Variants in DIP2C observed in about 807,000 individuals in gnomAD.
The protein encoded by DIP2C is disco-interacting protein 2 homolog C.
Under a neutral mutation model 192.4 loss-of-function variants are expected in DIP2C, and 33 were observed. The ratio of observed to expected loss-of-function variants is 0.17; its 90% CI spans 0.13 to 0.23. DIP2C has a LOEUF of 0.23. Ranked by LOEUF, DIP2C falls within the 10% of genes least tolerant of loss-of-function variation. The probability of loss-of-function intolerance (pLI) is 1.00; values close to 1 mark genes in which losing one functional copy is unlikely to be tolerated. For synonymous variants in DIP2C, 979 were observed against 864.1 expected, an observed-to-expected ratio of 1.13 and a Z score of -2.33; for missense variants, 1,537 against 2,110.1, an observed-to-expected ratio of 0.73 and a Z score of 5.32.
intron 4 of DIP2C, among the ~76,000 whole-genome samples, chr10:423,909 G>A (rs528745811): frequency 2.0e-5 from 3 of 152,220 alleles, no homozygotes; most frequent in African/African-American, 7.2e-5. Context: ...TACAGTATTT[G>A]TTTCTTATAC....
At chr10:409,420 G>A (rs939315959) in intron 8 of DIP2C, among the ~76,000 whole-genome samples, 1 of 152,142 alleles carries the variant, frequency 6.6e-6, no homozygotes, top group Non-Finnish European at 1.5e-5. Flanking sequence ...TCTCCTAGCA[G>A]ATCAAAGCTT....
At chr10:438,601 C>T (rs1420363828) in intron 4 of DIP2C, among the ~76,000 whole-genome samples, 1 of 151,912 alleles carries the variant, frequency 6.6e-6, no homozygotes, top group Non-Finnish European at 1.5e-5. Context: ...AGTGATCCTC[C>T]CACCTCAGCC....
intron 1 of DIP2C, among the ~76,000 whole-genome samples, chr10:617,492 T>G (rs1446654999): frequency 6.6e-6 from 1 of 152,042 alleles, no homozygotes; most frequent in Non-Finnish European, 1.5e-5. Flanking sequence ...TTGATGGGAA[T>G]CCTTCTATGC....
In DIP2C at chr10:562,098, T is replaced by C. The variant is rs1037421770; in HGVS notation, c.86-75568A>G. On this transcript the variant is annotated intron_variant, in intron 1 of 36. Transcript: ENST00000280886. Reference sequence around the variant, plus strand: ...TTACTGCATGAAATCAGCTACATCTTTTGCTACTCCAAAGGCTTTTTGTTT... The same window carrying C: ...TTACTGCATGAAATCAGCTACATCTCTTGCTACTCCAAAGGCTTTTTGTTT... Among the ~76,000 whole-genome samples, 9 of 152,232 alleles carry C rather than the reference T, an allele frequency of 5.9e-5. 1 individual carries two copies. Among genetic ancestry groups the C allele is most frequent in the Admixed American group, 4.6e-4 (7 of 15,290 alleles).
At chr10:479,394 C>T (rs1281736897) in intron 2 of DIP2C, among the ~76,000 whole-genome samples, 2 of 140,326 alleles carry the variant, frequency 1.4e-5, no homozygotes, top group African/African-American at 5.3e-5. Flanking sequence ...AGAGCAATGG[C>T]GCAATCTCCA....
intron 25 of DIP2C, 84 bp from the exon 26 acceptor site, chr10:348,846 G>A (rs1958649674): frequency 6.4e-7 from 1 of 1,562,342 alleles, no homozygotes; most frequent in South Asian, 1.2e-5. Context: ...TGCTTGTCTG[G>A]GGCAAGTTCA....
intron 3 of DIP2C, among the ~76,000 whole-genome samples, chr10:444,133 C>T (rs770442643): frequency 8.5e-5 from 13 of 152,098 alleles, no homozygotes; most frequent in Non-Finnish European, 1.8e-4. Flanking sequence ...ATGGACTCCA[C>T]GCCATGGTGT....
chr10:384,003 C>G (rs750979260), intron 16 of DIP2C, 24 bp downstream of exon 16: 8 of 1,500,858 alleles, frequency 5.3e-6, no homozygotes, highest in African/African-American at 1.5e-5. Context: ...GCCTGCCTCA[C>G]GAGATCACAC....
At chr10:514,431 C>A (rs967766711) in intron 1 of DIP2C, among the ~76,000 whole-genome samples, 4 of 152,170 alleles carry the variant, frequency 2.6e-5, no homozygotes, top group Admixed American at 2.0e-4. Flanking sequence ...CAGTTCCAGG[C>A]GTCTTCTTTG....
At chr10:618,738 G>C (rs976315089) in intron 1 of DIP2C, among the ~76,000 whole-genome samples, 1 of 152,234 alleles carries the variant, frequency 6.6e-6, no homozygotes. Flanking sequence ...ATCAGGATAA[G>C]TGCTTGGGAC....
At chr10:619,893 G>T (rs1464434820) in intron 1 of DIP2C, among the ~76,000 whole-genome samples, 3 of 152,178 alleles carry the variant, frequency 2.0e-5, no homozygotes, top group Non-Finnish European at 2.9e-5. Context: ...AGGTGGACAA[G>T]CTACACCACT....
At chr10:310,787 C>T (rs1956535075) in intron 31 of DIP2C, among the ~76,000 whole-genome samples, 1 of 152,124 alleles carries the variant, frequency 6.6e-6, no homozygotes, top group Non-Finnish European at 1.5e-5. Context: ...TGACCAGTGA[C>T]CTCTGTACAC....
At chr10:444,928 C>A (rs1411890939) in intron 3 of DIP2C, among the ~76,000 whole-genome samples, 2 of 152,234 alleles carry the variant, frequency 1.3e-5, no homozygotes, top group African/African-American at 4.8e-5. Context: ...TTCATCTCTC[C>A]TTGGTGAACA....
intron 1 of DIP2C, among the ~76,000 whole-genome samples, chr10:497,059 G>C (rs1259830535): frequency 6.6e-6 from 1 of 152,106 alleles, no homozygotes; most frequent in Non-Finnish European, 1.5e-5. Context: ...AGGAGATGGA[G>C]CTTGCAGTGA....
At chr10:576,347 G>A (rs34263836) in intron 1 of DIP2C, among the ~76,000 whole-genome samples, 172 of 152,336 alleles carry the variant, frequency 1.1e-3, no homozygotes, top group Non-Finnish European at 2.1e-3. Flanking sequence ...TCATACGTGT[G>A]TTGAAAGGCA....
At chr10:424,355 G>GTTTTTTTTTTTTTTTTTT (rs557255878) in intron 4 of DIP2C, among the ~76,000 whole-genome samples, 11 of 83,122 alleles carry the variant, frequency 1.3e-4, no homozygotes, top group African/African-American at 5.0e-4. Context: ...ATCACCTTGG[G>GTTTTTTTTTTTTTTTTTT]TTTTTTTTTT....
chr10:658,647 T>G (rs1267931217), intron 1 of DIP2C, among the ~76,000 whole-genome samples: 2 of 152,228 alleles, frequency 1.3e-5, no homozygotes, highest in African/African-American at 4.8e-5. Context: ...ACTGACCCAC[T>G]GTAATTCTGT....
chr10:519,939 T>C (rs1473260837), intron 1 of DIP2C, among the ~76,000 whole-genome samples: 2 of 152,162 alleles, frequency 1.3e-5, no homozygotes, highest in African/African-American at 4.8e-5. Context: ...TGATGGCTGC[T>C]TCTCCCAAAG....
chr10:602,313 C>T (rs530577833), intron 1 of DIP2C, among the ~76,000 whole-genome samples: 48 of 152,320 alleles, frequency 3.2e-4, no homozygotes, highest in African/African-American at 1.1e-3. Flanking sequence ...CCTCTTGCAG[C>T]AAATGCAGCT....
Sources: gnomAD v4.1 joint callset for allele counts (sites outside exome capture counted in the v4.1 genomes callset) on GRCh38, gnomAD v4.1.1 for gene constraint, MANE v1.5 for transcripts, NCBI Gene and HGNC (gene_info 2026-07-23, HGNC 2026-07-21) for gene names.